The following PCDHGA10 variants were observed in gnomAD, a reference collection of about 807,000 sequenced individuals.
PCDHGA10 encodes protocadherin gamma-A10.
A neutral mutation model predicts 59.5 loss-of-function variants in PCDHGA10; 42 were observed. The observed-to-expected ratio is 0.71, with a 90% CI of 0.55 to 0.91. The LOEUF is 0.91. Among genes scored for constraint, PCDHGA10 ranks in the 40% least tolerant of loss-of-function variants. The pLI is 0.00. For missense variants in PCDHGA10, 1,111 were observed against 1,198.2 expected (o/e 0.93, Z 1.07); for synonymous variants, 511 against 517.2 (o/e 0.99, Z 0.16).
At position 141,493,235 on chromosome 5, in the gene PCDHGA10, T is replaced by G. The variant is rs541360337; in HGVS notation, c.2437-1572T>G. Among the ~76,000 whole-genome samples the G allele has an allele frequency of 6.6e-6, 1 of 152,352 alleles. No homozygotes were observed. The highest frequency in any genetic ancestry group is 1.5e-5 in the Non-Finnish European group (1 of 68,036). On this transcript the variant is annotated intron_variant, in intron 1 of 3. Transcript: ENST00000398610. This position sits in a 1 kb window ranked among gnomAD's most constrained non-coding sequence, Gnocchi z 4.3. ...TGCTCTTCCCACCATTGCTGTTGGC[T>G]AGGTACTAACATGCCTCTCTTATAA...
Position 141,485,274 on chromosome 5 carries a change from C to G in PCDHGA10, c.2437-9533C>G. 2 of 1,614,106 alleles carry G rather than the reference C, an allele frequency of 1.2e-6. No homozygotes were observed. Among genetic ancestry groups the G allele is most frequent in the Non-Finnish European group, 1.7e-6 (2 of 1,179,964 alleles). On this transcript the variant is annotated intron_variant, in intron 1 of 3. Transcript: ENST00000398610. The surrounding 1 kb of genome is among the most constrained non-coding windows in gnomAD (Gnocchi z 5.7). ...TACGTTTGTGGGCAGATCCGCTACC[C>G]GGTCCCAGAGGAGTCACAGGAAGGG...
At position 141,414,886 on chromosome 5, in the gene PCDHGA10, C is replaced by T. The variant is rs374779316; in HGVS notation, c.1711C>T (p.Leu571Phe). Residue 571 changes from leucine (L) to phenylalanine (F), a missense_variant, in exon 1 of 4, where the codon CTC (leucine) becomes TTC (phenylalanine). Transcript: ENST00000398610. The stretch of plus-strand genomic sequence containing the variant: ...TGCGCCCGAGATCCTGTACCCCGCC[C>T]TCCCCACAGACGGTTCCACAGGCGT... ...DNAPEILYPA[L>F]PTDGSTGVEL... 22 of 1,614,120 alleles carry T rather than the reference C, an allele frequency of 1.4e-5. No individual in the cohort carries two copies. The highest frequency in any genetic ancestry group is 2.7e-5 in the African/African-American group (2 of 74,946).
At chr5:141,427,239 G>C (rs1160872088) in intron 1 of PCDHGA10, 1 of 456,746 alleles carries the variant, frequency 2.2e-6, no homozygotes, top group East Asian at 6.9e-5. Flanking sequence ...GAGAGTAGAA[G>C]CTAAGGATGG....
chr5:141,419,451 C>T (rs747887064), intron 1 of PCDHGA10: 2 of 1,612,796 alleles, frequency 1.2e-6, no homozygotes, highest in Non-Finnish European at 8.5e-7. Flanking sequence ...TTCGAGCTCA[C>T]GCTGCAGGCC....
chr5:141,468,820 C>G (rs1055751689), intron 1 of PCDHGA10, among the ~76,000 whole-genome samples: 1 of 151,830 alleles, frequency 6.6e-6, no homozygotes, highest in Non-Finnish European at 1.5e-5. Context: ...GAGCCAAGAT[C>G]AAGCCACTGC....
At chr5:141,433,040 A>G in intron 1 of PCDHGA10, 1 of 1,614,086 alleles carries the variant, frequency 6.2e-7, no homozygotes, top group Non-Finnish European at 8.5e-7. Flanking sequence ...TTCCCTCACC[A>G]CGGACTCGCG....
At chr5:141,422,786 C>T in intron 1 of PCDHGA10, 1 of 1,614,178 alleles carries the variant, frequency 6.2e-7, no homozygotes, top group Non-Finnish European at 8.5e-7. Context: ...GCCCTACAAT[C>T]CTTCGACTAT....
At chr5:141,464,035 C>T (rs564886798) in intron 1 of PCDHGA10, among the ~76,000 whole-genome samples, 1 of 152,066 alleles carries the variant, frequency 6.6e-6, no homozygotes, top group African/African-American at 2.4e-5. Context: ...GAGGCCAAGG[C>T]GGGTGGATCA....
At chr5:141,461,799 G>T (rs1025237561) in intron 1 of PCDHGA10, among the ~76,000 whole-genome samples, 5 of 151,188 alleles carry the variant, frequency 3.3e-5, no homozygotes, top group Admixed American at 1.3e-4. Context: ...GATTACAGGT[G>T]CCCACCACCA....
intron 1 of PCDHGA10, among the ~76,000 whole-genome samples, chr5:141,454,829 A>T (rs2098803417): frequency 1.4e-5 from 1 of 70,192 alleles, no homozygotes. Context: ...TTTTTTTGAG[A>T]CAGAGTCGCG....
At chr5:141,429,912 A>G (rs1341795921) in intron 1 of PCDHGA10, among the ~76,000 whole-genome samples, 2 of 152,234 alleles carry the variant, frequency 1.3e-5, no homozygotes, top group Admixed American at 1.3e-4. Flanking sequence ...TTGAAATATA[A>G]TGTATTAATA....
At position 141,485,142 on chromosome 5, in the gene PCDHGA10, A is replaced by C. The variant is rs979255582; in HGVS notation, c.2437-9665A>C. 5 of 1,554,566 alleles carry C rather than the reference A, an allele frequency of 3.2e-6. No homozygotes were observed. The highest frequency in any genetic ancestry group is 3.5e-6 in the Non-Finnish European group (4 of 1,131,592). On this transcript the variant is annotated intron_variant, in intron 1 of 3. Transcript: ENST00000398610. The surrounding 1 kb of genome is among the most constrained non-coding windows in gnomAD (Gnocchi z 5.7). ...GGCGGGTCGGCTTCATCCGCGTCTC[A>C]GGAGCAAGTAGAGAATTAGCGGGCG... is the stretch of plus-strand genomic sequence containing the variant.
At chr5:141,439,190 CAA>C (rs200519543) in intron 1 of PCDHGA10, among the ~76,000 whole-genome samples, 3 of 111,702 alleles carry the variant, frequency 2.7e-5, no homozygotes, top group Non-Finnish European at 4.0e-5. Flanking sequence ...GAGACTCTGA[CAA>C]AAAAAAAAAA....
intron 1 of PCDHGA10, among the ~76,000 whole-genome samples, chr5:141,463,346 C>G (rs963070531): frequency 6.7e-6 from 1 of 150,312 alleles, no homozygotes; most frequent in Non-Finnish European, 1.5e-5. Context: ...TGGTGTTATT[C>G]TTGGATTTCC....
chr5:141,413,407 CTT>C lies in PCDHGA10; in HGVS notation c.235_236del (p.Phe79LeufsTer32), dbSNP rs758693256. 1 of 1,613,926 alleles carries C rather than the reference CTT, an allele frequency of 6.2e-7. No individual in the cohort carries two copies. Among genetic ancestry groups the C allele is most frequent in the Non-Finnish European group, 8.5e-7 (1 of 1,179,946 alleles). On this transcript the variant is annotated frameshift_variant, in exon 1 of 4. Transcript: ENST00000398610. LOFTEE classifies it high-confidence loss of function. Reference sequence around the variant, plus strand: ...CATAGTCTCCAGAGGTAGGACGCAGCTTTTCTCTCTGAACCCGCGCAGCGGCA... The same window carrying C: ...CATAGTCTCCAGAGGTAGGACGCAGCTTCTCTCTGAACCCGCGCAGCGGCA... ...VRIVSRGRTQ[L>X]FSLNPRSGSL... is the part of the protein sequence containing the mutation.
Position 141,489,492 on chromosome 5 carries a change from G to C in PCDHGA10, c.2437-5315G>C. On this transcript the variant is annotated intron_variant, in intron 1 of 3. Coordinates refer to ENST00000398610, the MANE Select transcript of PCDHGA10 (RefSeq NM_018913.3). This position sits in a 1 kb window ranked among gnomAD's most constrained non-coding sequence, Gnocchi z 4.5. The stretch of plus-strand genomic sequence containing the variant: ...CCCTGAGCTTGATGAGTGGTGCCCT[G>C]GCAGTGAATCAAAAGATTGACCGAG... The C allele has an allele frequency of 6.2e-7, 1 of 1,614,042 alleles. No homozygotes were observed. The highest frequency in any genetic ancestry group is 8.5e-7 in the Non-Finnish European group (1 of 1,180,034).
rs1223779483 is a variant in PCDHGA10 at position 141,414,449 on chromosome 5, C to T, written c.1274C>T (p.Thr425Ile). The part of the protein sequence containing the change: ...DREQVSSYNI[T>I]VTATDGGSPP... ...GAACAGGTATCCTCTTACAATATCA[C>T]AGTGACAGCCACAGATGGGGGAAGT... The change falls in exon 1 of 4, where the codon ACA (threonine) becomes ATA (isoleucine). Residue 425 changes from threonine (T) to isoleucine (I), a missense_variant. Transcript: ENST00000398610. 6.2e-7 allele frequency: 1 copy of T among 1,613,730 alleles called. No individual in the cohort carries two copies. The highest frequency in any genetic ancestry group is 8.5e-7 in the Non-Finnish European group (1 of 1,179,838).
chr5:141,430,805 C>T (rs1445689047), intron 1 of PCDHGA10: 2 of 1,525,722 alleles, frequency 1.3e-6, no homozygotes, highest in Admixed American at 2.3e-5. Flanking sequence ...GCTTGTCCTG[C>T]TGGGAATCCT....
At chr5:141,430,950 T>C (rs756423770) in intron 1 of PCDHGA10, 5 of 1,609,980 alleles carry the variant, frequency 3.1e-6, no homozygotes, top group East Asian at 2.2e-5. Flanking sequence ...GAGCGCGGAG[T>C]CCGCATCATC....
Sources: gnomAD v4.1 joint callset for allele counts (sites outside exome capture counted in the v4.1 genomes callset) on GRCh38, gnomAD v4.1.1 for gene constraint, Gnocchi (gnomAD v3.1) non-coding constraint, MANE v1.5 for transcripts, NCBI Gene and HGNC (gene_info 2026-07-23, HGNC 2026-07-21) for gene names.